The following GRIK4 variants were observed in gnomAD, a reference collection of about 807,000 sequenced individuals.
GRIK4 encodes glutamate receptor ionotropic, kainate 4.
Under a neutral mutation model 104.9 loss-of-function variants are expected in GRIK4, and 40 were observed. The observed-to-expected ratio is 0.38, with a 90% CI of 0.30 to 0.50. GRIK4 has a LOEUF of 0.50. GRIK4 is among the 20% of genes least tolerant of loss of function. The pLI is 0.93. For synonymous variants in GRIK4, 485 were observed against 524.9 expected, an observed-to-expected ratio of 0.92 and a Z score of 1.04; for missense variants, 1,047 against 1,308.1, an observed-to-expected ratio of 0.80 and a Z score of 3.08.
rs1471152915 is a variant in GRIK4 at position 120,819,010 on chromosome 11, T to G, written c.346-745T>G. ...GCAGCCATCACAGCCTCTTAAGATCTTTTCCTGGGAGAAGAGAGGCAGAAG... is the reference window on the plus strand; with the variant it reads ...GCAGCCATCACAGCCTCTTAAGATCGTTTCCTGGGAGAAGAGAGGCAGAAG... On this transcript the variant is annotated intron_variant, in intron 5 of 20. Transcript: ENST00000527524. The surrounding 1 kb of genome is among the most constrained non-coding windows in gnomAD (Gnocchi z 4.3). 6.6e-6 allele frequency among the ~76,000 whole-genome samples: 1 copy of G among 152,180 alleles called. No individual in the cohort carries two copies. The highest frequency in any genetic ancestry group is 2.4e-5 in the African/African-American group (1 of 41,432).
intron 8 of GRIK4, among the ~76,000 whole-genome samples, chr11:120,851,092 T>TA (rs1259363467): frequency 2.0e-5 from 3 of 152,156 alleles, no homozygotes; most frequent in Non-Finnish European, 4.4e-5. Context: ...GCTGGATTTT[T>TA]ATCTTGGCCA....
At chr11:120,805,305 T>G (rs1952690857) in intron 4 of GRIK4, among the ~76,000 whole-genome samples, 1 of 152,156 alleles carries the variant, frequency 6.6e-6, no homozygotes, top group Non-Finnish European at 1.5e-5. Flanking sequence ...AGCCCTTCTC[T>G]TCTCGGTTCT....
intron 3 of GRIK4, among the ~76,000 whole-genome samples, chr11:120,788,477 A>G (rs1435789294): frequency 6.6e-6 from 1 of 152,292 alleles, no homozygotes; most frequent in Non-Finnish European, 1.5e-5. Flanking sequence ...GGTTTAGCCC[A>G]TGGCCTCCTG....
chr11:120,555,469 C>T lies in GRIK4; in HGVS notation c.-159+43582C>T, dbSNP rs954390534. 1.3e-5 allele frequency among the ~76,000 whole-genome samples: 2 copies of T among 152,166 alleles called. No homozygotes were observed. Among genetic ancestry groups the T allele is most frequent in the African/African-American group, 2.4e-5 (1 of 41,440 alleles). On this transcript the variant is annotated intron_variant, in intron 1 of 20. Transcript: ENST00000527524. The surrounding 1 kb of genome is among the most constrained non-coding windows in gnomAD (Gnocchi z 5.3). The stretch of plus-strand genomic sequence containing the variant: ...TCTACCGGGCTGCTTATGTACTCGC[C>T]GAGCCAGCATTCACACACTTTCTCC...
chr11:120,735,420 T>A (rs1355293613), intron 3 of GRIK4, among the ~76,000 whole-genome samples: 1 of 152,190 alleles, frequency 6.6e-6, no homozygotes, highest in African/African-American at 2.4e-5. Flanking sequence ...CTTAGCCACC[T>A]GGAGCTGGGG....
At chr11:120,906,998 A>G (rs1187342582) in intron 13 of GRIK4, among the ~76,000 whole-genome samples, 1 of 152,234 alleles carries the variant, frequency 6.6e-6, no homozygotes, top group Non-Finnish European at 1.5e-5. Context: ...TGGGGATGGC[A>G]GGGCGAAGGC....
intron 9 of GRIK4, chr11:120,868,974 G>GA (rs945803121): frequency 6.6e-6 from 1 of 152,156 alleles, no homozygotes; most frequent in African/African-American, 2.4e-5. Context: ...ATAGCGGAGG[G>GA]AAAAAACAAT....
intron 3 of GRIK4, among the ~76,000 whole-genome samples, chr11:120,684,060 C>T (rs970196723): frequency 1.3e-5 from 2 of 152,192 alleles, no homozygotes; most frequent in African/African-American, 4.8e-5. Context: ...TGTAATGGCT[C>T]ACACCTGTAA....
chr11:120,874,277 G>C lies in GRIK4; in HGVS notation c.1059+59G>C, dbSNP rs1275707981. ...CCAGGCTAGTGGGGTGGGACACTTGGTTCAAGGTACAAGAGTCCCTCAACT... is the reference window on the plus strand; with the variant it reads ...CCAGGCTAGTGGGGTGGGACACTTGCTTCAAGGTACAAGAGTCCCTCAACT... On this transcript the variant is annotated intron_variant, in intron 10 of 20. Coordinates refer to ENST00000527524, the MANE Select transcript of GRIK4 (RefSeq NM_014619.5). 2.8e-6 allele frequency: 4 copies of C among 1,414,228 alleles called. No homozygotes were observed. In the Admixed American group the frequency reaches 7.3e-5, roughly 26 times the overall value. The allele number at this position is 1,414,228 out of a possible 1,614,324, so 87.6% of individuals were successfully genotyped here.
Position 120,898,492 on chromosome 11 carries a change from G to A in GRIK4, c.1165-40G>A, listed in dbSNP as rs199647344. ...CTCTTGGCTCCTTCCAGCTCTGGAG[G>A]CCACCATTTCTTCCCAGTCCTCTCC... On this transcript the variant is annotated intron_variant, in intron 11 of 20. Transcript: ENST00000527524. 347 of 1,157,088 alleles carry A rather than the reference G, an allele frequency of 3.0e-4. 2 individuals are homozygous for A. The Middle Eastern group carries it at 5.2e-3, about 17-fold the overall frequency. 71.7% of individuals were successfully genotyped at this position (1,157,088 alleles called of 1,614,324 possible).
At chr11:120,770,072 G>A (rs1017298185) in intron 3 of GRIK4, among the ~76,000 whole-genome samples, 1 of 152,150 alleles carries the variant, frequency 6.6e-6, no homozygotes, top group Non-Finnish European at 1.5e-5. Context: ...TTTGTTGTTA[G>A]ACCCAGAGGA....
rs748846004 is a variant in GRIK4, at chr11:120,874,205, A to G, written c.1046A>G (p.Asn349Ser). ...QIWQHGTSLM[N>S]YLRMVELEGL... Reference sequence around the variant, plus strand: ...TGGCAGCACGGCACCAGCCTCATGAACTACCTGCGCATGGTGAGGAGCGGC... The same window carrying G: ...TGGCAGCACGGCACCAGCCTCATGAGCTACCTGCGCATGGTGAGGAGCGGC... Residue 349 changes from asparagine (N) to serine (S), a missense_variant, in exon 10 of 21, where the codon AAC (asparagine) becomes AGC (serine). Physicochemically the swap from Asn to Ser is conservative, Grantham distance 46. This residue lies in a region of GRIK4 where 447 missense variants were observed against 514.9 expected (regional missense o/e 0.87). Transcript: ENST00000527524. 3.7e-6 allele frequency: 6 copies of G among 1,612,008 alleles called. No homozygotes were observed. The highest frequency in any genetic ancestry group is 5.1e-6 in the Non-Finnish European group (6 of 1,179,506).
intron 3 of GRIK4, among the ~76,000 whole-genome samples, chr11:120,701,172 T>A (rs1391377843): frequency 6.6e-6 from 1 of 152,228 alleles, no homozygotes. Context: ...AACTGTACAA[T>A]ACGGTTTTAT....
intron 1 of GRIK4, among the ~76,000 whole-genome samples, chr11:120,519,865 G>GTTTTTTT (rs1311313035): frequency 6.0e-4 from 61 of 102,508 alleles, no homozygotes; most frequent in African/African-American, 2.1e-3. Flanking sequence ...CTCACTACTG[G>GTTTTTTT]TTTTTTTTTT....
intron 3 of GRIK4, among the ~76,000 whole-genome samples, chr11:120,749,757 C>T (rs1410160197): frequency 1.3e-5 from 2 of 152,202 alleles, no homozygotes; most frequent in Non-Finnish European, 1.5e-5. Flanking sequence ...GCACAACCTT[C>T]AGCATCTCAG....
At chr11:120,875,345 C>A (rs1592020970) in intron 11 of GRIK4, 102 bp downstream of exon 11, 3 of 757,058 alleles carry the variant, frequency 4.0e-6, no homozygotes, top group Non-Finnish European at 7.0e-6. Context: ...TTATCCCCAA[C>A]AGCAGCAGGC....
chr11:120,822,261 A>C (rs777509929), intron 6 of GRIK4, among the ~76,000 whole-genome samples: 34 of 151,108 alleles, frequency 2.3e-4, no homozygotes, highest in Non-Finnish European at 4.1e-4. Context: ...ATTGAGGTAC[A>C]CTGGAGTTCT....
At position 120,985,410 on chromosome 11, in the gene GRIK4, C is replaced by T. The variant is rs147342735; in HGVS notation, c.2515-494C>T. On this transcript the variant is annotated intron_variant, in intron 20 of 20. Coordinates refer to ENST00000527524, the MANE Select transcript of GRIK4 (RefSeq NM_014619.5). ...AGGATACATCCACCTCCTGCTATAA[C>T]CAGTTGGCTAAAAGAAATAAGAATC... Among the ~76,000 whole-genome samples the T allele has an allele frequency of 2.3e-4, 35 of 152,222 alleles. No individual in the cohort carries two copies. In the East Asian group the frequency reaches 5.6e-3, roughly 24 times the overall value.
chr11:120,529,125 C>A (rs945017249), intron 1 of GRIK4, among the ~76,000 whole-genome samples: 1 of 150,890 alleles, frequency 6.6e-6, no homozygotes, highest in Non-Finnish European at 1.5e-5. Flanking sequence ...GCCTGCATAA[C>A]CCCCCACCCC....
Sources: allele counts gnomAD v4.1 joint callset (sites outside exome capture counted in the v4.1 genomes callset), GRCh38; gene constraint gnomAD v4.1.1; regional missense constraint gnomAD v4.1.1; non-coding constraint Gnocchi (gnomAD v3.1); transcripts MANE v1.5; gene names NCBI Gene and HGNC (gene_info 2026-07-23, HGNC 2026-07-21).